SIPA1L3: variants seen among roughly 807,000 people sequenced by gnomAD.
The protein encoded by SIPA1L3 is signal induced proliferation associated 1 like 3, also known as signal-induced proliferation-associated 1-like protein 3.
SIPA1L3 carries 59 observed loss-of-function variants against 150.1 expected under a neutral mutation model. That is an observed-to-expected ratio of 0.39 (90% CI 0.32 to 0.49). The LOEUF (loss-of-function observed/expected upper bound fraction) is 0.49. Ranked by LOEUF, SIPA1L3 falls within the 20% of genes least tolerant of loss-of-function variation. The pLI, the probability that SIPA1L3 is intolerant of heterozygous loss-of-function variation, is 0.86. For synonymous variants in SIPA1L3, 1,070 were observed against 1,077.6 expected (o/e 0.99, Z 0.14); for missense variants, 2,211 against 2,489.5 (o/e 0.89, Z 2.38).
chr19:38,174,037 T>C (rs1972386866), intron 15 of SIPA1L3, among the ~76,000 whole-genome samples: 1 of 152,014 alleles, frequency 6.6e-6, no homozygotes, highest in Non-Finnish European at 1.5e-5. Flanking sequence ...GAGAGAGTCC[T>C]GATCTGATTC....
intron 1 of SIPA1L3, among the ~76,000 whole-genome samples, chr19:38,001,847 T>C (rs1244404204): frequency 1.3e-5 from 2 of 152,246 alleles, no homozygotes; most frequent in East Asian, 3.8e-4. Context: ...TTTTATATTT[T>C]ATAATTAGCT....
intron 6 of SIPA1L3, among the ~76,000 whole-genome samples, chr19:38,103,880 C>T (rs1416936463): frequency 6.6e-5 from 8 of 120,658 alleles, no homozygotes; most frequent in African/African-American, 2.0e-4. Flanking sequence ...CCAGCCTGGG[C>T]GATACAGCGA....
At chr19:38,163,618 G>A (rs558122798) in intron 14 of SIPA1L3, among the ~76,000 whole-genome samples, 4 of 152,256 alleles carry the variant, frequency 2.6e-5, no homozygotes, top group East Asian at 3.9e-4. Context: ...AAGGAAGGGG[G>A]AGGCCCACGA....
chr19:38,157,995 C>A (rs563135773), intron 13 of SIPA1L3, among the ~76,000 whole-genome samples: 2 of 152,290 alleles, frequency 1.3e-5, no homozygotes, highest in South Asian at 2.1e-4. Flanking sequence ...AATCCCAGCA[C>A]TTTCGGAGGC....
chr19:37,940,954 G>A (rs1005790449), intron 1 of SIPA1L3, among the ~76,000 whole-genome samples: 2 of 152,024 alleles, frequency 1.3e-5, no homozygotes, highest in East Asian at 3.9e-4. Context: ...TATATGATCA[G>A]GCCTGGATCT....
rs201414110 is a variant in SIPA1L3, at chr19:38,082,884, G to A, written c.1319G>A (p.Arg440His). The A allele has an allele frequency of 3.3e-5, 53 of 1,613,354 alleles. No individual in the cohort carries two copies. The highest frequency in any genetic ancestry group is 6.7e-5 in the East Asian group (3 of 44,874). The change falls in exon 3 of 22, where the codon CGC becomes CAC. Residue 440 changes from arginine (R) to histidine (H), a missense_variant. This residue lies in a region of SIPA1L3 where 587 missense variants were observed against 534.5 expected (regional missense o/e 1.10). Coordinates refer to ENST00000222345, the MANE Select transcript of SIPA1L3 (RefSeq NM_015073.3). ...AATGAGATCGGGGGCGAGTGTGAGC[G>A]CAACGTGAGCTTCTCCCGGGCTTCC... The part of the protein sequence containing the change: ...FRNEIGGECE[R>H]NVSFSRASVG...
chr19:38,100,902 A>C (rs1600069815), intron 5 of SIPA1L3, 150 bp from the exon 6 acceptor site: 2 of 832,968 alleles, frequency 2.4e-6, no homozygotes, highest in African/African-American at 1.8e-5. Flanking sequence ...GCCATGCCCC[A>C]ACACTGTTTT....
chr19:37,920,352 C>A (rs890282318), intron 1 of SIPA1L3, among the ~76,000 whole-genome samples: 5 of 152,124 alleles, frequency 3.3e-5, no homozygotes, highest in African/African-American at 1.2e-4. Flanking sequence ...CCCACCATGC[C>A]CAACCTAAAA....
At chr19:37,933,037 A>T (rs1366904541) in intron 1 of SIPA1L3, among the ~76,000 whole-genome samples, 1 of 152,116 alleles carries the variant, frequency 6.6e-6, no homozygotes, top group African/African-American at 2.4e-5. Flanking sequence ...TCTGGGCCTC[A>T]GTTTCCTCTT....
intron 2 of SIPA1L3, among the ~76,000 whole-genome samples, chr19:38,038,335 G>A (rs1406748638): frequency 6.6e-6 from 1 of 152,176 alleles, no homozygotes; most frequent in African/African-American, 2.4e-5. Flanking sequence ...GCTCATTCCT[G>A]TAATCCCAGC....
At chr19:38,204,086 G>A in intron 20 of SIPA1L3, 41 bp from the exon 21 acceptor site, 1 of 1,512,012 alleles carries the variant, frequency 6.6e-7, no homozygotes, top group African/African-American at 1.4e-5. Context: ...TTCCCCAGGG[G>A]CTTTAGGGCC....
chr19:37,922,089 T>G (rs1019174443), intron 1 of SIPA1L3, among the ~76,000 whole-genome samples: 2 of 152,096 alleles, frequency 1.3e-5, no homozygotes, highest in African/African-American at 2.4e-5. Context: ...CGTGTCTGAT[T>G]TTTTTTATTT....
At chr19:37,934,383 C>T (rs928179135) in intron 1 of SIPA1L3, among the ~76,000 whole-genome samples, 27 of 152,080 alleles carry the variant, frequency 1.8e-4, no homozygotes, top group African/African-American at 6.5e-4. Flanking sequence ...GCTCCCAGTG[C>T]GGGAGTTTGG....
intron 2 of SIPA1L3, among the ~76,000 whole-genome samples, chr19:38,054,393 C>G (rs7256480): frequency 0.4 from 61,253 of 151,726 alleles, 13,896 homozygotes; most frequent in African/African-American, 0.62. Flanking sequence ...GATCACTTGA[C>G]GTCAGAAGTT....
chr19:37,951,842 A>G (rs2046767241), intron 1 of SIPA1L3, among the ~76,000 whole-genome samples: 1 of 138,256 alleles, frequency 7.2e-6, no homozygotes, highest in Non-Finnish European at 1.5e-5. Context: ...GGCTGCAGTG[A>G]GCCGAGATCA....
chr19:38,149,603 C>G (rs1459755063), intron 12 of SIPA1L3, among the ~76,000 whole-genome samples: 1 of 152,196 alleles, frequency 6.6e-6, no homozygotes, highest in African/African-American at 2.4e-5. Context: ...ACCAGGCCCC[C>G]CCTCCTTGAT....
chr19:38,130,878 G>A, intron 10 of SIPA1L3, 106 bp downstream of exon 10: 3 of 1,281,900 alleles, frequency 2.3e-6, no homozygotes, highest in Non-Finnish European at 3.2e-6. Flanking sequence ...GGGGGGATAG[G>A]CAGGCCCTTC....
chr19:38,109,480 G>A (rs1162514014), intron 7 of SIPA1L3: 1 of 152,222 alleles, frequency 6.6e-6, no homozygotes, highest in Non-Finnish European at 1.5e-5. Flanking sequence ...AACCATATCA[G>A]AGGGTGAGAG....
intron 2 of SIPA1L3, among the ~76,000 whole-genome samples, chr19:38,062,510 G>A (rs1483617572): frequency 6.6e-6 from 1 of 152,226 alleles, no homozygotes; most frequent in Non-Finnish European, 1.5e-5. Flanking sequence ...TCCTGAGTGG[G>A]GGCTGCCATT....
Sources: allele counts gnomAD v4.1 joint callset (sites outside exome capture counted in the v4.1 genomes callset), GRCh38; gene constraint gnomAD v4.1.1; regional missense constraint gnomAD v4.1.1; transcripts MANE v1.5; gene names NCBI Gene and HGNC (gene_info 2026-07-23, HGNC 2026-07-21).